Variants in EPS8 observed in about 807,000 individuals in gnomAD.
EPS8 encodes EGFR pathway substrate 8, signaling adaptor.
EPS8 carries 42 observed loss-of-function variants against 103.8 expected under a neutral mutation model. The ratio of observed to expected loss-of-function variants is 0.40; its 90% CI spans 0.32 to 0.52. The LOEUF is 0.52. EPS8 is among the 20% of genes least tolerant of loss of function. The pLI is 0.40. For missense variants in EPS8, 969 were observed against 1,005.1 expected (o/e 0.96, Z 0.49); for synonymous variants, 344 against 344.6 (o/e 1.00, Z 0.02).
At chr12:15,656,669 G>C (rs558043713) in intron 12 of EPS8, among the ~76,000 whole-genome samples, 1 of 152,096 alleles carries the variant, frequency 6.6e-6, no homozygotes, top group East Asian at 1.9e-4. Flanking sequence ...GCAGTCCTTG[G>C]CCTGATTTCT....
At chr12:15,689,210 A>G (rs1946139264) in intron 1 of EPS8, among the ~76,000 whole-genome samples, 1 of 151,426 alleles carries the variant, frequency 6.6e-6, no homozygotes, top group East Asian at 1.9e-4. Flanking sequence ...TTTCAGTTTT[A>G]TTTGCTCGGA....
Position 15,690,994 on chromosome 12 carries a change from C to G in EPS8, c.-21-8022G>C, listed in dbSNP as rs910307706. ...CTTGGCTGAATATAAAAAAAACAAG[C>G]CAGATTGTCAGTAGGTAATCCTACT... On this transcript the variant is annotated intron_variant, in intron 1 of 20. Coordinates refer to ENST00000281172, the MANE Select transcript of EPS8 (RefSeq NM_004447.6). The surrounding 1 kb of genome is among the most constrained non-coding windows in gnomAD (Gnocchi z 4.7). 1.3e-5 allele frequency among the ~76,000 whole-genome samples: 2 copies of G among 151,936 alleles called. No individual in the cohort carries two copies. Among genetic ancestry groups the G allele is most frequent in the African/African-American group, 4.8e-5 (2 of 41,352 alleles).
At chr12:15,623,379 T>C in intron 19 of EPS8, 92 bp from the exon 20 acceptor site, 2 of 1,184,064 alleles carry the variant, frequency 1.7e-6, no homozygotes. Context: ...GTAACTTCTC[T>C]TTTCTAAGCG....
intron 17 of EPS8, among the ~76,000 whole-genome samples, chr12:15,637,528 G>A (rs935303174): frequency 2.6e-5 from 4 of 152,136 alleles, no homozygotes; most frequent in East Asian, 1.9e-4. Flanking sequence ...TTGGATTTGC[G>A]AAGTGCTCAA....
At position 15,696,585 on chromosome 12, in the gene EPS8, G is replaced by A. The variant is rs554288273; in HGVS notation, c.-21-13613C>T. ...GAACCCAGGAGGCGGAGGTTGCAGT[G>A]AGCCAAGATCGCACCATTGAACTCC... is the stretch of plus-strand genomic sequence containing the variant. On this transcript the variant is annotated intron_variant, in intron 1 of 20. Coordinates refer to ENST00000281172, the MANE Select transcript of EPS8 (RefSeq NM_004447.6). The surrounding 1 kb of genome is among the most constrained non-coding windows in gnomAD (Gnocchi z 4.8). 5.3e-4 allele frequency among the ~76,000 whole-genome samples: 81 copies of A among 152,070 alleles called. No homozygotes were observed. Among genetic ancestry groups the A allele is most frequent in the South Asian group, 8.3e-4 (4 of 4,826 alleles).
rs1438744852 is a variant in EPS8 at position 15,748,609 on chromosome 12, A to G, written c.-22+40552T>C. ...CTCTGGATCTGAACAACTCAAATAAAGTATAAACACGTAGCTTTCATTCCT... is the reference window on the plus strand; with the variant it reads ...CTCTGGATCTGAACAACTCAAATAAGGTATAAACACGTAGCTTTCATTCCT... On this transcript the variant is annotated intron_variant, in intron 1 of 20. Transcript: ENST00000281172. The surrounding 1 kb of genome is among the most constrained non-coding windows in gnomAD (Gnocchi z 4.8). 6.6e-6 allele frequency among the ~76,000 whole-genome samples: 1 copy of G among 152,220 alleles called. No individual in the cohort carries two copies. The highest frequency in any genetic ancestry group is 2.4e-5 in the African/African-American group (1 of 41,448).
chr12:15,754,230 T>C (rs1311454390), intron 1 of EPS8, among the ~76,000 whole-genome samples: 3 of 149,782 alleles, frequency 2.0e-5, no homozygotes, highest in Non-Finnish European at 4.4e-5. Flanking sequence ...CTTGTTCCAT[T>C]TGGAAAAAAA....
intron 7 of EPS8, 118 bp from the exon 8 acceptor site, chr12:15,666,010 A>G: frequency 1.1e-5 from 12 of 1,046,728 alleles, no homozygotes; most frequent in Non-Finnish European, 1.7e-5. Flanking sequence ...AGGGACAATA[A>G]GGATTTCCTA....
intron 19 of EPS8, 144 bp downstream of exon 19, chr12:15,624,083 T>C (rs991198033): frequency 1.5e-5 from 9 of 618,448 alleles, no homozygotes; most frequent in Non-Finnish European, 2.6e-5. Flanking sequence ...TATGAACAGC[T>C]ATAGTGAGTT....
Position 15,624,420 on chromosome 12 carries a change from A to G in EPS8, c.2045-13T>C. On this transcript the variant is annotated splice_polypyrimidine_tract_variant and intron_variant, in intron 18 of 20. Coordinates refer to ENST00000281172, the MANE Select transcript of EPS8 (RefSeq NM_004447.6). ...TGAGATTTCCTTCCTAGACACCAAC[A>G]GGGAGTAGGTTCTTTTTGAAAATCC... 1 of 1,538,172 alleles carries G rather than the reference A, an allele frequency of 6.5e-7. No individual in the cohort carries two copies. Among genetic ancestry groups the G allele is most frequent in the Non-Finnish European group, 8.8e-7 (1 of 1,140,082 alleles).
At position 15,706,089 on chromosome 12, in the gene EPS8, C is replaced by A. The variant is rs146497071; in HGVS notation, c.-21-23117G>T. On this transcript the variant is annotated intron_variant, in intron 1 of 20. Transcript: ENST00000281172. This position sits in a 1 kb window ranked among gnomAD's most constrained non-coding sequence, Gnocchi z 5.2. ...ATTTTCTTTCCTTCTGTCTCCAAAT[C>A]CCAGTCTTCTCCTCACCTAAGGTTA... is the stretch of plus-strand genomic sequence containing the variant. 8.7e-3 allele frequency among the ~76,000 whole-genome samples: 1,330 copies of A among 152,238 alleles called. 9 individuals carry two copies. The highest frequency in any genetic ancestry group is 0.014 in the Non-Finnish European group (973 of 68,006).
rs1417175195 is a variant in EPS8 at position 15,713,566 on chromosome 12, A to G, written c.-21-30594T>C. ...CTCTTGAAGGAGAAAGAACAGAAGA[A>G]AGTGCTCCCTCAAGAGAGAAAGCAC... On this transcript the variant is annotated intron_variant, in intron 1 of 20. Transcript: ENST00000281172. The surrounding 1 kb of genome is among the most constrained non-coding windows in gnomAD (Gnocchi z 4.8). Among the ~76,000 whole-genome samples, 1 of 152,140 alleles carries G rather than the reference A, an allele frequency of 6.6e-6. No individual in the cohort carries two copies. Among genetic ancestry groups the G allele is most frequent in the Non-Finnish European group, 1.5e-5 (1 of 68,012 alleles).
chr12:15,784,117 A>G lies in EPS8; in HGVS notation c.-22+5044T>C, dbSNP rs1947287065. Among the ~76,000 whole-genome samples, 1 of 152,190 alleles carries G rather than the reference A, an allele frequency of 6.6e-6. No homozygotes were observed. The highest frequency in any genetic ancestry group is 1.5e-5 in the Non-Finnish European group (1 of 67,998). On this transcript the variant is annotated intron_variant, in intron 1 of 20. Coordinates refer to ENST00000281172, the MANE Select transcript of EPS8 (RefSeq NM_004447.6). The surrounding 1 kb of genome is among the most constrained non-coding windows in gnomAD (Gnocchi z 4.0). ...TTGGCAATGAGTTTTCAAATATAAC[A>G]CAAAAGCCTATCCATGAAATTGGTA... is the stretch of plus-strand genomic sequence containing the variant.
intron 1 of EPS8, among the ~76,000 whole-genome samples, chr12:15,724,203 A>C (rs1305697013): frequency 6.6e-6 from 1 of 152,158 alleles, no homozygotes; most frequent in East Asian, 1.9e-4. Context: ...AAATATCACC[A>C]AAAAGTCTTC....
At chr12:15,632,873 G>A (rs905285037) in intron 17 of EPS8, among the ~76,000 whole-genome samples, 2 of 152,116 alleles carry the variant, frequency 1.3e-5, no homozygotes, top group Non-Finnish European at 2.9e-5. Flanking sequence ...AACCGGTGTG[G>A]GAAGGAGCCC....
chr12:15,713,067 T>A lies in EPS8; in HGVS notation c.-21-30095A>T. ...AGATTTCCTCCTCTTGTTAAGTAAGTAAACACAGCTACCACTACACTTCCA... is the reference window on the plus strand; with the variant it reads ...AGATTTCCTCCTCTTGTTAAGTAAGAAAACACAGCTACCACTACACTTCCA... On this transcript the variant is annotated intron_variant, in intron 1 of 20. Transcript: ENST00000281172. This position sits in a 1 kb window ranked among gnomAD's most constrained non-coding sequence, Gnocchi z 4.8. 1 of 820,000 alleles carries A rather than the reference T, an allele frequency of 1.2e-6. No individual in the cohort carries two copies. Among genetic ancestry groups the A allele is most frequent in the Non-Finnish European group, 1.5e-6 (1 of 678,870 alleles). The allele number at this position is 820,000 out of a possible 1,614,324, so 50.8% of individuals were successfully genotyped here.
At position 15,762,262 on chromosome 12, in the gene EPS8, T is replaced by A. The variant is rs1051813179; in HGVS notation, c.-22+26899A>T. Reference sequence around the variant, plus strand: ...TCATCTCATGCTAGTTAAGATGGCTTTTATCCAAAAGACAGACAATAACAA... The same window carrying A: ...TCATCTCATGCTAGTTAAGATGGCTATTATCCAAAAGACAGACAATAACAA... On this transcript the variant is annotated intron_variant, in intron 1 of 20. Coordinates refer to ENST00000281172, the MANE Select transcript of EPS8 (RefSeq NM_004447.6). This position sits in a 1 kb window ranked among gnomAD's most constrained non-coding sequence, Gnocchi z 4.8. Among the ~76,000 whole-genome samples the A allele has an allele frequency of 3.3e-5, 5 of 152,102 alleles. No homozygotes were observed. The highest frequency in any genetic ancestry group is 5.9e-5 in the Non-Finnish European group (4 of 68,010).
chr12:15,647,029 T>C (rs983482328), intron 15 of EPS8, 98 bp downstream of exon 15: 20 of 1,166,500 alleles, frequency 1.7e-5, no homozygotes, highest in Non-Finnish European at 2.3e-5. Flanking sequence ...ATGGAAAGTT[T>C]AAAGAAGCAG....
chr12:15,783,118 C>T (rs946202441), intron 1 of EPS8, among the ~76,000 whole-genome samples: 3 of 152,152 alleles, frequency 2.0e-5, no homozygotes, highest in African/African-American at 7.2e-5. Flanking sequence ...AGGTCTGCAG[C>T]TGCAGTTCCC....
Sources: gnomAD v4.1 joint callset for allele counts (sites outside exome capture counted in the v4.1 genomes callset) on GRCh38, gnomAD v4.1.1 for gene constraint, Gnocchi (gnomAD v3.1) non-coding constraint, MANE v1.5 for transcripts, NCBI Gene and HGNC (gene_info 2026-07-23, HGNC 2026-07-21) for gene names.